Variants in DOCK5 observed in about 807,000 individuals in gnomAD.
The protein encoded by DOCK5 is dedicator of cytokinesis protein 5.
DOCK5 carries 142 observed loss-of-function variants against 251.8 expected under a neutral mutation model. That is an observed-to-expected ratio of 0.56 (90% CI 0.49 to 0.65). DOCK5 has a LOEUF of 0.65. Ranked by LOEUF, DOCK5 falls within the 30% of genes least tolerant of loss-of-function variation. The pLI, the probability that DOCK5 is intolerant of heterozygous loss-of-function variation, is 0.00. For missense variants in DOCK5, 2,111 were observed against 2,312.3 expected (o/e 0.91, Z 1.79); for synonymous variants, 842 against 835.5 (o/e 1.01, Z -0.13).
chr8:25,254,632 G>A (rs1046425129), intron 2 of DOCK5, among the ~76,000 whole-genome samples: 2 of 151,642 alleles, frequency 1.3e-5, no homozygotes, highest in African/African-American at 4.8e-5. Flanking sequence ...AAAATTAGCC[G>A]GGCGTGGTGG....
At chr8:25,408,580 A>G (rs914708876) in intron 49 of DOCK5, among the ~76,000 whole-genome samples, 1 of 152,216 alleles carries the variant, frequency 6.6e-6, no homozygotes, top group Admixed American at 6.5e-5. Flanking sequence ...CCCAACTGTG[A>G]TCAGAAGAAT....
At chr8:25,254,552 G>A (rs942679960) in intron 2 of DOCK5, among the ~76,000 whole-genome samples, 1 of 151,860 alleles carries the variant, frequency 6.6e-6, no homozygotes, top group Non-Finnish European at 1.5e-5. Context: ...GAGGTGGGCA[G>A]ATCACGAGGT....
At chr8:25,394,352 T>A in intron 44 of DOCK5, among the ~76,000 whole-genome samples, 1 of 127,880 alleles carries the variant, frequency 7.8e-6, no homozygotes, top group East Asian at 2.2e-4. Flanking sequence ...AAGGAGATAC[T>A]TTTTTTTTTT....
chr8:25,187,294 CA>C (rs950325518), intron 1 of DOCK5, among the ~76,000 whole-genome samples: 5 of 143,020 alleles, frequency 3.5e-5, no homozygotes, highest in Non-Finnish European at 6.0e-5. Flanking sequence ...TATGTATATA[CA>C]TATATATGTA....
intron 31 of DOCK5, 42 bp downstream of exon 31, chr8:25,367,012 C>A: frequency 6.5e-7 from 1 of 1,532,396 alleles, no homozygotes; most frequent in South Asian, 1.1e-5. Flanking sequence ...GGGGCTTCTT[C>A]CATTTGTTTA....
At chr8:25,270,757 T>G in intron 3 of DOCK5, 1 of 705,908 alleles carries the variant, frequency 1.4e-6, no homozygotes, top group South Asian at 1.5e-5. Context: ...TATCCTATGA[T>G]TTTTTAATAT....
At chr8:25,356,906 ATTATATATATATAT>A (rs1446511645) in intron 27 of DOCK5, among the ~76,000 whole-genome samples, 6 of 102,126 alleles carry the variant, frequency 5.9e-5, no homozygotes, top group African/African-American at 2.4e-4. Context: ...CTATATGAAG[ATTATATATATATAT>A]ATATATATAT....
chr8:25,199,529 A>G (rs1362351232), intron 1 of DOCK5, among the ~76,000 whole-genome samples: 3 of 151,934 alleles, frequency 2.0e-5, no homozygotes, highest in Non-Finnish European at 4.4e-5. Flanking sequence ...GATTATAAGC[A>G]TTTGCCACCA....
chr8:25,239,341 A>ATGTGTGTGTGTG lies in DOCK5; in HGVS notation c.44-4315_44-4304dup, dbSNP rs55869213. Among the ~76,000 whole-genome samples, 1,419 of 142,260 alleles carry ATGTGTGTGTGTG rather than the reference A, an allele frequency of 1.0e-2. 10 individuals carry two copies. Among genetic ancestry groups the ATGTGTGTGTGTG allele is most frequent in the South Asian group, 0.027 (123 of 4,492 alleles). 93.3% of individuals were successfully genotyped at this position (142,260 alleles called of 152,430 possible). On this transcript the variant is annotated intron_variant, in intron 1 of 51. Transcript: ENST00000276440. Reference sequence around the variant, plus strand: ...TATATGTGTGTGTGTGTGTGTGTGTATGTGTGTGTGTGTGTGTGTGTGTGT... The same window carrying ATGTGTGTGTGTG: ...TATATGTGTGTGTGTGTGTGTGTGTATGTGTGTGTGTGTGTGTGTGTGTGTGTGTGTGTGTGT...
At chr8:25,374,501 C>A in intron 36 of DOCK5, 63 bp from the exon 37 acceptor site, 3 of 1,475,034 alleles carry the variant, frequency 2.0e-6, no homozygotes, top group African/African-American at 1.4e-5. Context: ...TGTCTCAAAA[C>A]AGAACTAAAA....
intron 1 of DOCK5, among the ~76,000 whole-genome samples, chr8:25,187,547 A>C (rs2117433158): frequency 6.6e-6 from 1 of 151,456 alleles, no homozygotes; most frequent in Admixed American, 6.6e-5. Context: ...TGAAGAGAGA[A>C]ATCTCCATTG....
chr8:25,385,928 A>C lies in DOCK5; in HGVS notation c.4131+3150A>C, dbSNP rs544723232. 4.6e-5 allele frequency among the ~76,000 whole-genome samples: 7 copies of C among 152,352 alleles called. No homozygotes were observed. In the South Asian group the frequency reaches 1.2e-3, roughly 27 times the overall value. ...CAGAAAAAAAGTTAAAGAATAAGCT[A>C]TGCAGCTATCAAGAGGTTGAGCAAA... is the stretch of plus-strand genomic sequence containing the variant. On this transcript the variant is annotated intron_variant, in intron 40 of 51. Coordinates refer to ENST00000276440, the MANE Select transcript of DOCK5 (RefSeq NM_024940.8).
intron 28 of DOCK5, among the ~76,000 whole-genome samples, chr8:25,362,462 C>CTTTTTTTTTTTTTT (rs869096662): frequency 2.7e-4 from 15 of 54,646 alleles, no homozygotes; most frequent in African/African-American, 3.5e-4. Context: ...CTTTTCTTTT[C>CTTTTTTTTTTTTTT]TTTTTTTTTT....
chr8:25,235,403 G>C (rs999591379), intron 1 of DOCK5, among the ~76,000 whole-genome samples: 1 of 152,084 alleles, frequency 6.6e-6, no homozygotes, highest in Non-Finnish European at 1.5e-5. Context: ...TAGGACCATA[G>C]GCACACACCA....
intron 17 of DOCK5, among the ~76,000 whole-genome samples, chr8:25,324,416 T>C (rs58189872): frequency 2.2e-4 from 33 of 152,344 alleles, no homozygotes; most frequent in African/African-American, 7.2e-4. Context: ...TCTTTGTTCT[T>C]GCCTTCCAAC....
At chr8:25,187,228 T>TACGTATATATATATATAC in intron 1 of DOCK5, among the ~76,000 whole-genome samples, 1 of 145,446 alleles carries the variant, frequency 6.9e-6, no homozygotes, top group East Asian at 2.0e-4. Context: ...TACATATATA[T>TACGTATATATATATATAC]ACGTATATAT....
At chr8:25,342,222 C>A (rs1257436255) in intron 24 of DOCK5, among the ~76,000 whole-genome samples, 179 bp from the exon 25 acceptor site, 1 of 152,110 alleles carries the variant, frequency 6.6e-6, no homozygotes. Context: ...AAGGCAGAGC[C>A]CTCCAGTAAG....
intron 38 of DOCK5, among the ~76,000 whole-genome samples, chr8:25,379,617 C>T (rs1051214263): frequency 3.3e-5 from 5 of 152,034 alleles, no homozygotes; most frequent in African/African-American, 1.2e-4. Flanking sequence ...CCTGAGGTGA[C>T]GTACATCCTC....
chr8:25,187,302 T>A (rs1421857360), intron 1 of DOCK5, among the ~76,000 whole-genome samples: 2 of 149,666 alleles, frequency 1.3e-5, no homozygotes, highest in Non-Finnish European at 3.0e-5. Context: ...TACATATATA[T>A]GTATATATGC....
Sources: gnomAD v4.1 joint callset for allele counts (sites outside exome capture counted in the v4.1 genomes callset) on GRCh38, gnomAD v4.1.1 for gene constraint, MANE v1.5 for transcripts, NCBI Gene and HGNC (gene_info 2026-07-23, HGNC 2026-07-21) for gene names.